Variants in PTPRN2 observed in about 807,000 individuals in gnomAD.
PTPRN2 encodes the protein receptor-type tyrosine-protein phosphatase N2.
In PTPRN2, 74 loss-of-function variants were observed where a neutral mutation model predicts 118.8. The ratio of observed to expected loss-of-function variants is 0.62; its 90% confidence interval spans 0.52 to 0.76. PTPRN2 has a LOEUF of 0.76. Ranked by LOEUF, PTPRN2 falls within the 30% of genes least tolerant of loss-of-function variation. The pLI, the probability that PTPRN2 is intolerant of heterozygous loss-of-function variation, is 0.00. For missense variants in PTPRN2, 1,481 were observed against 1,394.4 expected (o/e 1.06, Z -0.99); for synonymous variants, 641 against 608.0 (o/e 1.05, Z -0.80).
At chr7:158,355,434 C>T (rs917301752) in intron 2 of PTPRN2, among the ~76,000 whole-genome samples, 24 of 152,208 alleles carry the variant, frequency 1.6e-4, no homozygotes, top group African/African-American at 5.8e-4. Flanking sequence ...GTGAACATTG[C>T]CTGCCTCTCT....
At chr7:158,378,437 C>A (rs987116706) in intron 2 of PTPRN2, among the ~76,000 whole-genome samples, 2 of 152,190 alleles carry the variant, frequency 1.3e-5, no homozygotes, top group Non-Finnish European at 2.9e-5. Flanking sequence ...GAAGGGGGAA[C>A]CGCAGGTCCC....
At chr7:158,298,143 G>A (rs1289153598) in intron 3 of PTPRN2, among the ~76,000 whole-genome samples, 1 of 152,108 alleles carries the variant, frequency 6.6e-6, no homozygotes, top group Non-Finnish European at 1.5e-5. Flanking sequence ...AGCTCTGTAA[G>A]TCTTTTCAAA....
At chr7:158,341,946 G>T (rs1162737848) in intron 2 of PTPRN2, among the ~76,000 whole-genome samples, 4 of 82,690 alleles carry the variant, frequency 4.8e-5, no homozygotes, top group African/African-American at 1.9e-4. Context: ...CTCACCATAA[G>T]AGCTGTCGCC....
chr7:157,754,712 A>C (rs74593958), intron 12 of PTPRN2, among the ~76,000 whole-genome samples: 2 of 152,222 alleles, frequency 1.3e-5, no homozygotes. Context: ...CCTACTTGGC[A>C]TGCGTGTTTT....
Position 158,146,368 on chromosome 7 carries a change from G to C in PTPRN2, c.911-7853C>G, listed in dbSNP as rs558070150. ...CCCTCCACCCACTAACCTACCCATT[G>C]ATTGCACCAACCTGTATTGGGCATC... On this transcript the variant is annotated intron_variant, in intron 6 of 22. Coordinates refer to ENST00000389418, the MANE Select transcript of PTPRN2 (RefSeq NM_002847.5). Among the ~76,000 whole-genome samples the C allele has an allele frequency of 1.2e-3, 187 of 152,248 alleles. 2 individuals carry two copies. The highest frequency in any genetic ancestry group is 4.3e-3 in the African/African-American group (177 of 41,556).
chr7:158,140,444 C>G (rs1178758909), intron 6 of PTPRN2, among the ~76,000 whole-genome samples: 1 of 152,194 alleles, frequency 6.6e-6, no homozygotes, highest in East Asian at 1.9e-4. Context: ...GTTCCACAGA[C>G]AGAGTCTAAA....
intron 12 of PTPRN2, among the ~76,000 whole-genome samples, chr7:157,712,095 T>TC (rs1476846393): frequency 1.1e-3 from 8 of 7,136 alleles, no homozygotes; most frequent in South Asian, 4.2e-3. Flanking sequence ...GCACCATGAG[T>TC]GGGGGGAGGG....
chr7:157,767,763 G>C lies in PTPRN2; in HGVS notation c.1789-84826C>G, dbSNP rs113202006. 1.6e-3 allele frequency among the ~76,000 whole-genome samples: 237 copies of C among 152,066 alleles called. 1 individual carries two copies. Among genetic ancestry groups the C allele is most frequent in the African/African-American group, 5.5e-3 (227 of 41,458 alleles). On this transcript the variant is annotated intron_variant, in intron 12 of 22. Transcript: ENST00000389418. ...GTGTGTGGAGGCGGTGGGAACCAGT[G>C]GTCCTGGCAAGGCCTGCCAGGCTCA...
In PTPRN2 at chr7:157,609,909, C is replaced by T. The variant is rs1802232587; in HGVS notation, c.2345-5834G>A. On this transcript the variant is annotated intron_variant, in intron 15 of 22. Transcript: ENST00000389418. The surrounding 1 kb of genome is among the most constrained non-coding windows in gnomAD (Gnocchi z 4.9). ...GTTGATTATTACTATGGCAAAGAGC[C>T]TTGGGAGATGGCCCAGCTAAGCATG... Among the ~76,000 whole-genome samples, 1 of 152,180 alleles carries T rather than the reference C, an allele frequency of 6.6e-6. No homozygotes were observed. Among genetic ancestry groups the T allele is most frequent in the Non-Finnish European group, 1.5e-5 (1 of 68,028 alleles).
intron 12 of PTPRN2, among the ~76,000 whole-genome samples, chr7:157,743,784 G>T (rs1402565144): frequency 6.6e-6 from 1 of 152,142 alleles, no homozygotes; most frequent in Non-Finnish European, 1.5e-5. Context: ...CTGTGGCTGG[G>T]ATAACAATCT....
chr7:158,169,032 C>T (rs1823282588), intron 5 of PTPRN2, among the ~76,000 whole-genome samples: 1 of 152,194 alleles, frequency 6.6e-6, no homozygotes, highest in African/African-American at 2.4e-5. Context: ...TCTACTTGCA[C>T]CTCCTTGGGG....
At chr7:158,120,320 T>A (rs1474535491) in intron 9 of PTPRN2, among the ~76,000 whole-genome samples, 2 of 152,152 alleles carry the variant, frequency 1.3e-5, no homozygotes, top group African/African-American at 4.8e-5. Context: ...TGCTTAAACA[T>A]GGGTAAGACA....
intron 6 of PTPRN2, among the ~76,000 whole-genome samples, chr7:158,151,460 A>G (rs71544541): frequency 6.3e-3 from 719 of 114,104 alleles, no homozygotes; most frequent in African/African-American, 0.011. Context: ...TGCCCACACC[A>G]CCCGCCTTTC....
chr7:158,396,611 A>C (rs1477113352), intron 2 of PTPRN2, among the ~76,000 whole-genome samples: 1 of 151,594 alleles, frequency 6.6e-6, no homozygotes, highest in Non-Finnish European at 1.5e-5. Flanking sequence ...CAGAGCTCTG[A>C]AGGGGGCACT....
intron 2 of PTPRN2, among the ~76,000 whole-genome samples, chr7:158,457,200 C>T (rs895922438): frequency 2.0e-5 from 3 of 152,150 alleles, no homozygotes; most frequent in Admixed American, 1.3e-4. Flanking sequence ...AGTCTTCTGA[C>T]CCCTTTCCTG....
At chr7:157,570,985 C>G (rs1256540637) in intron 20 of PTPRN2, among the ~76,000 whole-genome samples, 1 of 152,172 alleles carries the variant, frequency 6.6e-6, no homozygotes, top group Non-Finnish European at 1.5e-5. Context: ...TGGCTCACGC[C>G]TGTAATCCCA....
At chr7:157,555,224 G>C (rs1798821469) in intron 21 of PTPRN2, among the ~76,000 whole-genome samples, 1 of 152,180 alleles carries the variant, frequency 6.6e-6, no homozygotes, top group Non-Finnish European at 1.5e-5. Context: ...GGGCTCATTG[G>C]GTTAAAAGTT....
intron 2 of PTPRN2, among the ~76,000 whole-genome samples, chr7:158,388,417 A>G (rs1869293): frequency 0.97 from 148,173 of 152,240 alleles, 72,138 homozygotes; most frequent in African/African-American, 0.99. Flanking sequence ...CCTCGGGTGC[A>G]ATTTTTCTTT....
chr7:158,586,244 G>A (rs1015641035), intron 1 of PTPRN2, among the ~76,000 whole-genome samples: 1 of 152,246 alleles, frequency 6.6e-6, no homozygotes, highest in Non-Finnish European at 1.5e-5. Flanking sequence ...AGGAATTCAG[G>A]GGACTCTGGC....
Sources: allele counts gnomAD v4.1 joint callset (sites outside exome capture counted in the v4.1 genomes callset), GRCh38; gene constraint gnomAD v4.1.1; non-coding constraint Gnocchi (gnomAD v3.1); transcripts MANE v1.5; gene names NCBI Gene and HGNC (gene_info 2026-07-23, HGNC 2026-07-21).